Variants in TRPA1 observed in about 807,000 individuals in gnomAD.
TRPA1 encodes ankyrin-like with transmembrane domains 1.
In TRPA1, 129 loss-of-function variants were observed where a neutral mutation model predicts 131.3. The observed-to-expected ratio is 0.98, with a 90% confidence interval of 0.85 to 1.14. The LOEUF is 1.14. Ranked by LOEUF, TRPA1 falls within the 50% of genes most tolerant of loss-of-function variation. The pLI is 0.00. For missense variants in TRPA1, 1,304 were observed against 1,354.2 expected, an observed-to-expected ratio of 0.96 and a Z score of 0.58; for synonymous variants, 441 against 451.7, an observed-to-expected ratio of 0.98 and a Z score of 0.30.
intron 17 of TRPA1, among the ~76,000 whole-genome samples, chr8:72,043,368 TATGA>T (rs1418545001): frequency 1.3e-5 from 2 of 151,940 alleles, no homozygotes; most frequent in Admixed American, 6.6e-5. Context: ...CCTAGAAACA[TATGA>T]ATGTTATATA....
chr8:72,069,320 G>A (rs1043386248), intron 2 of TRPA1, 122 bp from the exon 3 acceptor site: 1 of 991,460 alleles, frequency 1.0e-6, no homozygotes, highest in African/African-American at 1.6e-5. Flanking sequence ...ATCTTTTTAT[G>A]GAAACTAAAA....
rs900516752 is a variant in TRPA1, at chr8:72,053,200, C to T, written c.1645-435G>A. 1.1e-4 allele frequency: 23 copies of T among 205,272 alleles called. No individual in the cohort carries two copies. In the South Asian group the frequency reaches 1.4e-3, roughly 12 times the overall value. The allele number at this position is 205,272 out of a possible 1,614,324, so 12.7% of individuals were successfully genotyped here. Reference sequence around the variant, plus strand: ...AGAACAGTGGCTTACAGATTTGGGGCTTCACAAGCTTGTAAATGTTTTTTA... The same window carrying T: ...AGAACAGTGGCTTACAGATTTGGGGTTTCACAAGCTTGTAAATGTTTTTTA... On this transcript the variant is annotated intron_variant, in intron 13 of 26. Transcript: ENST00000262209.
intron 23 of TRPA1, among the ~76,000 whole-genome samples, chr8:72,032,038 C>G (rs911956142): frequency 1.3e-5 from 2 of 152,140 alleles, no homozygotes; most frequent in East Asian, 1.9e-4. Flanking sequence ...AAAGGAAGAG[C>G]CTGTACAGAG....
chr8:72,035,228 G>C (rs1198355383), intron 21 of TRPA1, among the ~76,000 whole-genome samples: 1 of 152,148 alleles, frequency 6.6e-6, no homozygotes, highest in Non-Finnish European at 1.5e-5. Context: ...AGGGACTTCA[G>C]CGAAATTCAC....
intron 3 of TRPA1, among the ~76,000 whole-genome samples, chr8:72,067,234 C>T (rs762272419): frequency 3.3e-5 from 5 of 152,288 alleles, no homozygotes; most frequent in Non-Finnish European, 7.4e-5. Context: ...ATGGGCATAA[C>T]TGGGAGAGGC....
Position 72,059,431 on chromosome 8 carries a change from A to T in TRPA1, c.952T>A (p.Leu318Met). ...TCTGCTAGCTCATGGTGATCAAACA[A>T]TGAAGCTCTGAAAAAACAGAATTAT... ...CHETMLHRASLFDHHELADYL... is the reference protein window; with the variant it reads ...CHETMLHRASMFDHHELADYL... The change falls in exon 8 of 27, where the codon TTG becomes ATG. Residue 318 changes from leucine to methionine, a missense_variant. Physicochemically the swap from Leu to Met is conservative, Grantham distance 15. Coordinates refer to ENST00000262209, the MANE Select transcript of TRPA1 (RefSeq NM_007332.3). 1 of 1,581,514 alleles carries T rather than the reference A, an allele frequency of 6.3e-7. No homozygotes were observed.
rs373026044 is a variant in TRPA1 at position 72,025,959 on chromosome 8, C to T, written c.3051+1G>A. 5.0e-6 allele frequency: 8 copies of T among 1,611,796 alleles called. No homozygotes were observed. Among genetic ancestry groups the T allele is most frequent in the African/African-American group, 4.0e-5 (3 of 74,984 alleles). On this transcript the variant is annotated splice_donor_variant, in intron 25 of 26. Coordinates refer to ENST00000262209, the MANE Select transcript of TRPA1 (RefSeq NM_007332.3). LOFTEE classifies it high-confidence loss of function. ...TGTTGTTATTTGTTATGTGTACTTA[C>T]GAATAACATCCCACCAGATCTGGGT...
chr8:72,051,669 C>A (rs555503474), intron 14 of TRPA1, among the ~76,000 whole-genome samples: 75 of 152,276 alleles, frequency 4.9e-4, no homozygotes, highest in Non-Finnish European at 9.6e-4. Context: ...TGAGATTGTT[C>A]GCTCTGTGTC....
At position 72,063,451 on chromosome 8, in the gene TRPA1, G is replaced by A. The variant is rs754637319; in HGVS notation, c.661+12C>T. On this transcript the variant is annotated intron_variant, in intron 5 of 26. Coordinates refer to ENST00000262209, the MANE Select transcript of TRPA1 (RefSeq NM_007332.3). ...TATTTATAGTATATAACATAGAAAAGCCTCAACTCACCAAACCTTAGTATT... is the reference window on the plus strand; with the variant it reads ...TATTTATAGTATATAACATAGAAAAACCTCAACTCACCAAACCTTAGTATT... The A allele has an allele frequency of 6.4e-7, 1 of 1,569,218 alleles. No homozygotes were observed. Among genetic ancestry groups the A allele is most frequent in the Non-Finnish European group, 8.8e-7 (1 of 1,139,674 alleles).
chr8:72,041,905 A>C, intron 17 of TRPA1, among the ~76,000 whole-genome samples: 1 of 151,902 alleles, frequency 6.6e-6, no homozygotes, highest in Non-Finnish European at 1.5e-5. Context: ...ACAATAGAAA[A>C]AAATCAATGA....
At chr8:72,078,003 GTAA>G (rs1026701371), upstream of TRPA1, among the ~76,000 whole-genome samples, 12 of 151,352 alleles carry the variant, frequency 7.9e-5, no homozygotes, top group African/African-American at 2.9e-4. Flanking sequence ...AAAATGAAAA[GTAA>G]TAATAATAAA....
chr8:72,053,681 G>C, intron 13 of TRPA1, 72 bp downstream of exon 13: 1 of 1,112,548 alleles, frequency 9.0e-7, no homozygotes, highest in Non-Finnish European at 1.4e-6. Context: ...GTGTCTAGGA[G>C]AGTTTTCTGG....
chr8:72,089,221 C>A, the TRPA1 span, among the ~76,000 whole-genome samples: 2 of 152,020 alleles, frequency 1.3e-5, no homozygotes, highest in African/African-American at 4.8e-5. Context: ...TCCGTGATAT[C>A]TGCCAGTGAA....
At position 72,053,796 on chromosome 8, in the gene TRPA1, A is replaced by G; in HGVS notation, c.1601T>C (p.Leu534Pro). 4 of 1,612,742 alleles carry G rather than the reference A, an allele frequency of 2.5e-6. No homozygotes were observed. Among genetic ancestry groups the G allele is most frequent in the Non-Finnish European group, 3.4e-6 (4 of 1,179,874 alleles). The change falls in exon 13 of 27, where the codon CTT becomes CCT. Residue 534 changes from leucine to proline, a missense_variant. Coordinates refer to ENST00000262209, the MANE Select transcript of TRPA1 (RefSeq NM_007332.3). ...GGYTQTMKVI[L>P]DTNLKCTDRL... ...ATCTGTGCACTTCAAATTAGTATCA[A>G]GAATGACCTTCATGGTCTGAGTGTA...
chr8:72,052,578 G>A, intron 14 of TRPA1, 21 bp downstream of exon 14: 1 of 1,613,134 alleles, frequency 6.2e-7, no homozygotes, highest in Non-Finnish European at 8.5e-7. Context: ...CTAAATGACA[G>A]TGGACAGGAA....
At chr8:72,078,321 T>C (rs1200774187), upstream of TRPA1, among the ~76,000 whole-genome samples, 4 of 152,158 alleles carry the variant, frequency 2.6e-5, no homozygotes, top group African/African-American at 7.2e-5. Context: ...TATACAAGTA[T>C]ACAACTATCT....
At chr8:72,042,583 A>C (rs1169869177) in intron 17 of TRPA1, among the ~76,000 whole-genome samples, 4 of 151,908 alleles carry the variant, frequency 2.6e-5, no homozygotes, top group African/African-American at 9.7e-5. Context: ...GAAGAGTTTA[A>C]AGCAGGATCT....
chr8:72,065,628 A>G, intron 3 of TRPA1, 70 bp from the exon 4 acceptor site: 1 of 1,107,706 alleles, frequency 9.0e-7, no homozygotes, highest in Non-Finnish European at 1.4e-6. Flanking sequence ...CTTCCACTAG[A>G]GTTTAAGTTT....
intron 15 of TRPA1, among the ~76,000 whole-genome samples, chr8:72,048,910 A>G (rs1404698238): frequency 6.6e-6 from 1 of 152,218 alleles, no homozygotes; most frequent in Non-Finnish European, 1.5e-5. Flanking sequence ...TTGTTTTACA[A>G]TTATAAATAA....
Sources: allele counts gnomAD v4.1 joint callset (sites outside exome capture counted in the v4.1 genomes callset), GRCh38; gene constraint gnomAD v4.1.1; transcripts MANE v1.5; gene names NCBI Gene and HGNC (gene_info 2026-07-23, HGNC 2026-07-21).